GABRA1: variants seen among roughly 807,000 people sequenced by gnomAD.
The protein encoded by GABRA1 is gamma-aminobutyric acid receptor subunit alpha-1.
A neutral mutation model predicts 48.9 loss-of-function variants in GABRA1; 9 were observed. That is an observed-to-expected ratio of 0.18 (90% CI 0.11 to 0.32). The LOEUF (loss-of-function observed/expected upper bound fraction) is 0.32. Ranked by LOEUF, GABRA1 falls within the 10% of genes least tolerant of loss-of-function variation. GABRA1 has a pLI of 1.00. For missense variants in GABRA1, 285 were observed against 553.8 expected (o/e 0.51, Z 4.87); for synonymous variants, 210 against 198.7 (o/e 1.06, Z -0.48).
chr5:161,847,290 A>G (rs1424539851), upstream of GABRA1: 1 of 152,152 alleles, frequency 6.6e-6, no homozygotes, highest in Admixed American at 6.6e-5. Flanking sequence ...TAATCCGAGA[A>G]TGATGGAGCT....
In GABRA1 at chr5:161,850,790, T is replaced by A. The variant is rs1447045857; in HGVS notation, c.-15-6T>A. 6.2e-7 allele frequency: 1 copy of A among 1,613,108 alleles called. No homozygotes were observed. Among genetic ancestry groups the A allele is most frequent in the South Asian group, 1.1e-5 (1 of 91,066 alleles). ...GACATTGATCTCTACTTATTCTACT[T>A]TTCAGCTGCTCCAGCCCGCGATGAG... On this transcript the variant is annotated splice_polypyrimidine_tract_variant and splice_region_variant and intron_variant, in intron 1 of 9. Transcript: ENST00000393943.
At chr5:161,870,911 A>G (rs769769236) in intron 4 of GABRA1, among the ~76,000 whole-genome samples, 13 of 151,850 alleles carry the variant, frequency 8.6e-5, no homozygotes, top group Non-Finnish European at 1.9e-4. Context: ...AACAGTGCAG[A>G]AAATGGAAAT....
chr5:161,872,332 A>G (rs1754155946), intron 4 of GABRA1: 1 of 152,594 alleles, frequency 6.6e-6, no homozygotes, highest in Admixed American at 6.6e-5. Flanking sequence ...TATTGCCATA[A>G]GGAATGCTGT....
chr5:161,862,786 A>G (rs573260898), intron 3 of GABRA1, among the ~76,000 whole-genome samples: 1 of 152,084 alleles, frequency 6.6e-6, no homozygotes, highest in Admixed American at 6.6e-5. Flanking sequence ...GTGTTTTGGC[A>G]CCACAGTGTT....
At chr5:161,883,119 T>A in intron 7 of GABRA1, among the ~76,000 whole-genome samples, 1 of 152,170 alleles carries the variant, frequency 6.6e-6, no homozygotes, top group East Asian at 1.9e-4. Flanking sequence ...TTTTCATAAA[T>A]AACTATTTAT....
rs1757414159 is a variant in GABRA1 at position 161,850,809 on chromosome 5, C to T, written c.-2C>T. On this transcript the variant is annotated 5_prime_UTR_variant, in exon 2 of 10. Coordinates refer to ENST00000393943, the MANE Select transcript of GABRA1 (RefSeq NM_001127644.2). ...TCTACTTTTCAGCTGCTCCAGCCCGCGATGAGGAAAAGTCCAGGTCTGTCT... is the reference window on the plus strand; with the variant it reads ...TCTACTTTTCAGCTGCTCCAGCCCGTGATGAGGAAAAGTCCAGGTCTGTCT... 1.4e-5 allele frequency: 22 copies of T among 1,613,826 alleles called. No homozygotes were observed. Among genetic ancestry groups the T allele is most frequent in the Middle Eastern group, 1.6e-4 (1 of 6,080 alleles).
chr5:161,892,995 A>C (rs1255644174), intron 8 of GABRA1, among the ~76,000 whole-genome samples: 1 of 134,660 alleles, frequency 7.4e-6, no homozygotes, highest in Non-Finnish European at 1.6e-5. Context: ...ACAGAGCGAG[A>C]CTCCTTCTCA....
rs547262225 is a variant in GABRA1 at position 161,897,717 on chromosome 5, GA to G, written c.*304del. The stretch of plus-strand genomic sequence containing the variant: ...TGGTTCAAAGATACAAGAAAAAGTA[GA>G]AAAAAAAATAACACTTAACTAAAAC... On this transcript the variant is annotated 3_prime_UTR_variant, in exon 10 of 10. Transcript: ENST00000393943. 3.5e-3 allele frequency: 1,044 copies of G among 299,852 alleles called. 7 individuals are homozygous for G. The highest frequency in any genetic ancestry group is 0.02 in the African/African-American group (912 of 44,994). 18.6% of individuals were successfully genotyped at this position (299,852 alleles called of 1,614,324 possible). A position where few individuals can be genotyped will look rare whatever the true frequency, so the allele number is the denominator to read the frequency against.
chr5:161,888,840 C>T (rs1052308697), intron 7 of GABRA1, among the ~76,000 whole-genome samples: 1 of 151,914 alleles, frequency 6.6e-6, no homozygotes, highest in Non-Finnish European at 1.5e-5. Flanking sequence ...GGTAACATTC[C>T]ATTTGTCCTT....
rs1755501704 is a variant in GABRA1, at chr5:161,899,069, A to ACAGATATTTAAATTTAGTG, written c.*1649_*1667dup. Reference sequence around the variant, plus strand: ...GTCTCCTTTTGTCTGATAGAGTTTAACAGATATTTAAATTTAGTGCTCAGA... The same window carrying ACAGATATTTAAATTTAGTG: ...GTCTCCTTTTGTCTGATAGAGTTTAACAGATATTTAAATTTAGTGCAGATATTTAAATTTAGTGCTCAGA... On this transcript the variant is annotated 3_prime_UTR_variant, in exon 10 of 10. Coordinates refer to ENST00000393943, the MANE Select transcript of GABRA1 (RefSeq NM_001127644.2). 2.6e-5 allele frequency: 4 copies of ACAGATATTTAAATTTAGTG among 152,574 alleles called. No homozygotes were observed. The allele number at this position is 152,574 out of a possible 1,614,324, so 9.5% of individuals were successfully genotyped here.
At chr5:161,882,449 G>T in intron 6 of GABRA1, 109 bp from the exon 7 acceptor site, 1 of 1,035,478 alleles carries the variant, frequency 9.7e-7, no homozygotes, top group Admixed American at 1.8e-5. Flanking sequence ...TTCCTAGCCT[G>T]CCCTCTGGAA....
intron 2 of GABRA1, among the ~76,000 whole-genome samples, chr5:161,851,967 C>G (rs1242124646): frequency 6.6e-6 from 1 of 152,010 alleles, no homozygotes; most frequent in Non-Finnish European, 1.5e-5. Flanking sequence ...ATGTAACTGG[C>G]ATTTCTCTTC....
intron 7 of GABRA1, among the ~76,000 whole-genome samples, chr5:161,887,458 T>A (rs1754900113): frequency 6.6e-6 from 1 of 152,042 alleles, no homozygotes; most frequent in South Asian, 2.1e-4. Flanking sequence ...AAAAAAAGAC[T>A]TCTGTGGTCA....
chr5:161,848,835 T>A (rs2113283621), intron 1 of GABRA1: 1 of 352,774 alleles, frequency 2.8e-6, no homozygotes, highest in African/African-American at 2.2e-5. Flanking sequence ...TCGGGGGCCA[T>A]CATCTAAAGT....
At chr5:161,896,978 C>A in intron 9 of GABRA1, 133 bp from the exon 10 acceptor site, 1 of 749,396 alleles carries the variant, frequency 1.3e-6, no homozygotes, top group Non-Finnish European at 2.3e-6. Flanking sequence ...ATAAGACAGG[C>A]ATAAATTATG....
chr5:161,866,357 A>G (rs191237580), intron 4 of GABRA1, among the ~76,000 whole-genome samples: 5 of 152,144 alleles, frequency 3.3e-5, no homozygotes, highest in Admixed American at 6.6e-5. Context: ...CTTTTTTTCT[A>G]GTTCAAATAA....
chr5:161,876,401 T>C (rs1754355935), intron 6 of GABRA1, among the ~76,000 whole-genome samples: 2 of 152,130 alleles, frequency 1.3e-5, no homozygotes, highest in African/African-American at 4.8e-5. Flanking sequence ...ATTCTTGGTT[T>C]CCTGCAGGGG....
intron 6 of GABRA1, among the ~76,000 whole-genome samples, chr5:161,878,158 C>A: frequency 6.6e-6 from 1 of 152,236 alleles, no homozygotes; most frequent in East Asian, 1.9e-4. Flanking sequence ...ATAAAGGTTA[C>A]AAGACTCAGG....
chr5:161,876,145 G>C (rs1754342134), intron 6 of GABRA1, among the ~76,000 whole-genome samples: 1 of 151,774 alleles, frequency 6.6e-6, no homozygotes, highest in Non-Finnish European at 1.5e-5. Context: ...CATAGTCTTA[G>C]AAAATTAGCT....
Sources: allele counts gnomAD v4.1 joint callset (sites outside exome capture counted in the v4.1 genomes callset), GRCh38; gene constraint gnomAD v4.1.1; transcripts MANE v1.5; gene names NCBI Gene and HGNC (gene_info 2026-07-23, HGNC 2026-07-21).